TBCK: variants seen among roughly 807,000 people sequenced by gnomAD.
TBCK encodes the protein TBC1 domain containing kinase, also known as TBC domain-containing protein kinase-like protein.
In TBCK, 99 loss-of-function variants were observed where a neutral mutation model predicts 113.4. That is an observed-to-expected ratio of 0.87 (90% confidence interval 0.74 to 1.03). The LOEUF (loss-of-function observed/expected upper bound fraction) is 1.03. Among genes scored for constraint, TBCK ranks in the 50% least tolerant of loss-of-function variants. TBCK has a pLI of 0.00. For synonymous variants in TBCK, 369 were observed against 370.8 expected (o/e 1.00, Z 0.05); for missense variants, 1,045 against 1,061.3 (o/e 0.98, Z 0.21).
intron 3 of TBCK, among the ~76,000 whole-genome samples, chr4:106,282,947 C>T (rs1764758096): frequency 6.6e-6 from 1 of 152,062 alleles, no homozygotes; most frequent in African/African-American, 2.4e-5. Flanking sequence ...CTGCCAACAA[C>T]CTTTATCAGC....
intron 3 of TBCK, among the ~76,000 whole-genome samples, chr4:106,277,115 G>A (rs1045789398): frequency 6.6e-6 from 1 of 152,036 alleles, no homozygotes; most frequent in Non-Finnish European, 1.5e-5. Context: ...GAATATCATG[G>A]GAATGCAAAG....
intron 23 of TBCK, among the ~76,000 whole-genome samples, chr4:106,149,848 G>A (rs923113219): frequency 1.3e-5 from 2 of 152,198 alleles, no homozygotes; most frequent in African/African-American, 2.4e-5. Flanking sequence ...GTGCAGTGAT[G>A]AGAAGCAAAA....
chr4:106,263,350 G>T (rs1294032748), intron 3 of TBCK, among the ~76,000 whole-genome samples: 1 of 151,808 alleles, frequency 6.6e-6, no homozygotes, highest in African/African-American at 2.4e-5. Context: ...AATAGATTAA[G>T]TACAAATGGT....
intron 22 of TBCK, among the ~76,000 whole-genome samples, chr4:106,181,957 G>T (rs905942373): frequency 1.3e-5 from 2 of 152,142 alleles, no homozygotes; most frequent in African/African-American, 4.8e-5. Context: ...ATTACTTTGG[G>T]CAGTAAGGCT....
chr4:106,049,473 C>T (rs1033923306), intron 25 of TBCK, among the ~76,000 whole-genome samples: 12 of 151,972 alleles, frequency 7.9e-5, no homozygotes, highest in African/African-American at 2.4e-4. Context: ...ACTTATCAGA[C>T]AATATTCTTT....
At chr4:106,248,832 A>G in intron 8 of TBCK, 89 bp downstream of exon 8, 1 of 1,095,802 alleles carries the variant, frequency 9.1e-7, no homozygotes, top group Non-Finnish European at 1.3e-6. Flanking sequence ...TAACTGTGGA[A>G]AAATAAATTT....
At chr4:106,262,982 T>C (rs955046250) in intron 3 of TBCK, among the ~76,000 whole-genome samples, 3 of 151,976 alleles carry the variant, frequency 2.0e-5, no homozygotes, top group Admixed American at 6.6e-5. Context: ...TTTGCAGACA[T>C]TGGTGCCTGC....
chr4:106,073,427 GCTGAAGAACAGCAAATA>G (rs1483094962), intron 25 of TBCK, among the ~76,000 whole-genome samples: 6 of 152,178 alleles, frequency 3.9e-5, no homozygotes. Flanking sequence ...ACCAGCGGAG[GCTGAAGAACAGCAAATA>G]CTGCAGAACA....
chr4:106,315,935 G>A lies in TBCK; in HGVS notation c.-34C>T, dbSNP rs1768793089. On this transcript the variant is annotated 5_prime_UTR_variant, in exon 1 of 26. Coordinates refer to ENST00000394708, the MANE Select transcript of TBCK (RefSeq NM_001163435.3). Reference sequence around the variant, plus strand: ...CTGGATTACCCAAATACCTGCCTCTGAGTCTGGGGACGCAGGCAAGCACAA... The same window carrying A: ...CTGGATTACCCAAATACCTGCCTCTAAGTCTGGGGACGCAGGCAAGCACAA... 1 of 152,652 alleles carries A rather than the reference G, an allele frequency of 6.6e-6. No homozygotes were observed. The highest frequency in any genetic ancestry group is 1.5e-5 in the Non-Finnish European group (1 of 68,430). The allele number at this position is 152,652 out of a possible 1,614,324, so 9.5% of individuals were successfully genotyped here.
chr4:106,175,382 G>A (rs1286497816), intron 22 of TBCK, among the ~76,000 whole-genome samples: 1 of 146,752 alleles, frequency 6.8e-6, no homozygotes, highest in Admixed American at 6.8e-5. Context: ...TTTTTTATGT[G>A]GGCTGGGGTT....
At chr4:106,208,059 T>C (rs1165878586) in intron 20 of TBCK, among the ~76,000 whole-genome samples, 1 of 152,160 alleles carries the variant, frequency 6.6e-6, no homozygotes, top group Non-Finnish European at 1.5e-5. Flanking sequence ...TCAGGGATGC[T>C]CAGCATTTGC....
intron 20 of TBCK, among the ~76,000 whole-genome samples, chr4:106,196,905 T>C (rs1177548788): frequency 6.6e-6 from 1 of 152,140 alleles, no homozygotes; most frequent in South Asian, 2.1e-4. Context: ...TAACAGTGCC[T>C]TTCTCCTATA....
intron 20 of TBCK, among the ~76,000 whole-genome samples, chr4:106,208,617 CTT>C (rs1164507967): frequency 6.6e-6 from 1 of 152,084 alleles, no homozygotes; most frequent in African/African-American, 2.4e-5. Context: ...GAGTAAAACT[CTT>C]TGCCTCACTC....
intron 24 of TBCK, among the ~76,000 whole-genome samples, chr4:106,113,725 C>A (rs756286336): frequency 6.6e-6 from 1 of 152,170 alleles, no homozygotes; most frequent in Non-Finnish European, 1.5e-5. Context: ...GAAGACTGAG[C>A]GAATCTGCTC....
At chr4:106,129,558 T>A (rs1218606090) in intron 23 of TBCK, among the ~76,000 whole-genome samples, 2 of 152,156 alleles carry the variant, frequency 1.3e-5, no homozygotes, top group African/African-American at 4.8e-5. Context: ...GAGTAATGTA[T>A]GTGAAGAATA....
At chr4:106,274,059 C>G (rs1763771268) in intron 3 of TBCK, among the ~76,000 whole-genome samples, 1 of 152,100 alleles carries the variant, frequency 6.6e-6, no homozygotes, top group South Asian at 2.1e-4. Context: ...CAGGAAATTC[C>G]AAGGGTTTTT....
intron 23 of TBCK, chr4:106,163,496 T>A (rs1305987605): frequency 6.6e-6 from 1 of 152,142 alleles, no homozygotes; most frequent in Non-Finnish European, 1.5e-5. Flanking sequence ...TTTGTTCTCA[T>A]ACTGCTCATA....
chr4:106,257,264 T>C (rs1365812288), intron 5 of TBCK, among the ~76,000 whole-genome samples: 1 of 152,180 alleles, frequency 6.6e-6, no homozygotes, highest in Non-Finnish European at 1.5e-5. Context: ...ATTGTCAGAT[T>C]TAGTCATGAG....
intron 22 of TBCK, among the ~76,000 whole-genome samples, chr4:106,185,273 T>G (rs1402700483): frequency 6.6e-6 from 1 of 152,100 alleles, no homozygotes; most frequent in African/African-American, 2.4e-5. Context: ...TCTGGTATAT[T>G]ATTTCTCTTT....
Sources: allele counts gnomAD v4.1 joint callset (sites outside exome capture counted in the v4.1 genomes callset), GRCh38; gene constraint gnomAD v4.1.1; transcripts MANE v1.5; gene names NCBI Gene and HGNC (gene_info 2026-07-23, HGNC 2026-07-21).